Variants in VRK2 observed in about 807,000 individuals in gnomAD.
VRK2 encodes the protein serine/threonine-protein kinase VRK2.
A neutral mutation model predicts 57.6 loss-of-function variants in VRK2; 60 were observed. The observed-to-expected ratio is 1.04, with a 90% CI of 0.85 to 1.29. The LOEUF (loss-of-function observed/expected upper bound fraction) is 1.29. Ranked by LOEUF, VRK2 falls within the 50% of genes most tolerant of loss-of-function variation. The pLI, the probability that VRK2 is intolerant of heterozygous loss-of-function variation, is 0.00. For missense variants in VRK2, 705 were observed against 588.1 expected (o/e 1.20, Z -2.06); for synonymous variants, 231 against 199.2 (o/e 1.16, Z -1.35).
At chr2:58,028,052 A>G (rs1245583975) in intron 2 of VRK2, among the ~76,000 whole-genome samples, 1 of 152,252 alleles carries the variant, frequency 6.6e-6, no homozygotes, top group Non-Finnish European at 1.5e-5. Context: ...ACAATCTGTT[A>G]TAAAATAGAC....
At chr2:57,947,289 A>G (rs1040572381) in intron 1 of VRK2, among the ~76,000 whole-genome samples, 1 of 152,210 alleles carries the variant, frequency 6.6e-6, no homozygotes, top group Non-Finnish European at 1.5e-5. Context: ...GATTCCCTTC[A>G]GGAATATATT....
chr2:58,128,528 C>T (rs541374754), intron 8 of VRK2, among the ~76,000 whole-genome samples: 21 of 152,120 alleles, frequency 1.4e-4, no homozygotes, highest in East Asian at 9.7e-4. Context: ...GATGGGGTTT[C>T]GCCATGTTGG....
In VRK2 at chr2:58,089,658, A is replaced by C; in HGVS notation, c.478A>C (p.Asn160His). The C allele has an allele frequency of 6.2e-7, 1 of 1,606,362 alleles. No homozygotes were observed. The highest frequency in any genetic ancestry group is 8.5e-7 in the Non-Finnish European group (1 of 1,175,310). ...GGATGTACTGGAATATATACATGAA[A>C]ATGAATATGTTCATGGTGATATAAA... is the stretch of plus-strand genomic sequence containing the variant. ...MLDVLEYIHE[N>H]EYVHGDIKAA... The change falls in exon 7 of 13, where the codon AAT becomes CAT. Residue 160 changes from asparagine to histidine, a missense_variant. Physicochemically the swap from Asn to His is moderately conservative, Grantham distance 68. Transcript: ENST00000340157.
intron 2 of VRK2, among the ~76,000 whole-genome samples, chr2:58,054,389 G>A (rs1360505093): frequency 2.0e-5 from 3 of 149,718 alleles, no homozygotes; most frequent in Non-Finnish European, 4.5e-5. Context: ...CAGTGGTCAA[G>A]GTTTTTTTTT....
At chr2:58,119,048 C>G (rs1676988450) in intron 7 of VRK2, among the ~76,000 whole-genome samples, 2 of 152,096 alleles carry the variant, frequency 1.3e-5, no homozygotes, top group African/African-American at 4.8e-5. Context: ...TTTTGTGATT[C>G]TTCAGTTACT....
chr2:57,981,634 C>T (rs544755790), intron 1 of VRK2, among the ~76,000 whole-genome samples: 1 of 152,276 alleles, frequency 6.6e-6, no homozygotes, highest in African/African-American at 2.4e-5. Context: ...ATACGTTTTC[C>T]ACATTGCTTG....
At chr2:58,154,679 T>G (rs1683526509) in intron 12 of VRK2, 1 of 712,320 alleles carries the variant, frequency 1.4e-6, no homozygotes, top group South Asian at 1.5e-5. Flanking sequence ...CTTTAAATTT[T>G]AAAGCATTTG....
intron 7 of VRK2, among the ~76,000 whole-genome samples, chr2:58,096,810 G>A (rs138535143): frequency 1.0e-3 from 151 of 151,640 alleles, no homozygotes; most frequent in Middle Eastern, 3.4e-3. Flanking sequence ...CTCCATAAGA[G>A]TTTAAGGCTA....
chr2:58,153,851 G>C (rs181764847), intron 12 of VRK2, among the ~76,000 whole-genome samples: 1 of 152,076 alleles, frequency 6.6e-6, no homozygotes, highest in Non-Finnish European at 1.5e-5. Context: ...TTCCTTTTTA[G>C]CTATGAATTC....
chr2:58,048,215 AAG>A (rs1235879996), intron 1 of VRK2, among the ~76,000 whole-genome samples: 2 of 152,258 alleles, frequency 1.3e-5, no homozygotes, highest in African/African-American at 4.8e-5. Flanking sequence ...TAAACTGAGA[AAG>A]AGGGTAAGAA....
At chr2:57,926,666 T>G (rs539882689) in intron 1 of VRK2, among the ~76,000 whole-genome samples, 1 of 152,038 alleles carries the variant, frequency 6.6e-6, no homozygotes, top group Admixed American at 6.6e-5. Context: ...GCAAAGCTAC[T>G]CCTGCTCTGT....
intron 3 of VRK2, among the ~76,000 whole-genome samples, chr2:58,036,257 G>C (rs915293798): frequency 6.6e-6 from 1 of 151,766 alleles, no homozygotes; most frequent in Non-Finnish European, 1.5e-5. Context: ...GAGTATTTTT[G>C]ATATAATAAT....
At chr2:57,980,060 A>G (rs72947190) in intron 1 of VRK2, among the ~76,000 whole-genome samples, 2,340 of 151,890 alleles carry the variant, frequency 0.015, 90 homozygotes, top group African/African-American at 0.054. Flanking sequence ...GATTTTGGTT[A>G]TTTCTTTTCT....
At position 57,997,349 on chromosome 2, in the gene VRK2, A is replaced by T. The variant is rs373998405; in HGVS notation, c.-438-28316A>T. On this transcript the variant is annotated intron_variant, in intron 1 of 15. Coordinates refer to the VRK2 transcript ENST00000417641. ...GGAGATGCCAAGCAGAAAAGATGGG[A>T]AGAAATGGTAGAAGGCCTAAGAATA... is the stretch of plus-strand genomic sequence containing the variant. Among the ~76,000 whole-genome samples the T allele has an allele frequency of 1.5e-3, 233 of 152,202 alleles. 3 individuals carry two copies. The South Asian group carries it at 0.047, about 31-fold the overall frequency.
intron 1 of VRK2, among the ~76,000 whole-genome samples, chr2:57,995,580 A>C (rs1434879526): frequency 6.6e-6 from 1 of 152,208 alleles, no homozygotes; most frequent in Non-Finnish European, 1.5e-5. Context: ...CCGTGAAAAA[A>C]GATGTCTAGT....
intron 2 of VRK2, among the ~76,000 whole-genome samples, chr2:58,077,529 T>A (rs1238016593): frequency 1.3e-5 from 2 of 151,574 alleles, no homozygotes; most frequent in Non-Finnish European, 1.5e-5. Context: ...ATTTTTTTTT[T>A]AACCTTCTTT....
At chr2:58,084,816 G>C in intron 3 of VRK2, 65 bp from the exon 4 acceptor site, 6 of 1,090,954 alleles carry the variant, frequency 5.5e-6, no homozygotes, top group Non-Finnish European at 8.0e-6. Context: ...TTTCACAGTT[G>C]AAATAACAAT....
intron 8 of VRK2, among the ~76,000 whole-genome samples, chr2:58,124,021 T>C (rs141836695): frequency 5.9e-5 from 9 of 152,320 alleles, no homozygotes; most frequent in East Asian, 5.8e-4. Context: ...ATCTTACTTA[T>C]TTAAACTCAC....
chr2:58,050,920 C>T (rs575739257), intron 2 of VRK2, among the ~76,000 whole-genome samples: 1 of 152,060 alleles, frequency 6.6e-6, no homozygotes, highest in Non-Finnish European at 1.5e-5. Flanking sequence ...TCTCGGCCCA[C>T]TGCAACCTCC....
Sources: gnomAD v4.1 joint callset for allele counts (sites outside exome capture counted in the v4.1 genomes callset) on GRCh38, gnomAD v4.1.1 for gene constraint, MANE v1.5 for transcripts, NCBI Gene and HGNC (gene_info 2026-07-23, HGNC 2026-07-21) for gene names.